TPT1: variants seen among roughly 807,000 people sequenced by gnomAD.
The protein encoded by TPT1 is translationally-controlled tumor protein.
In TPT1, 5 loss-of-function variants were observed where a neutral mutation model predicts 22.8. The observed-to-expected ratio is 0.22, with a 90% CI of 0.11 to 0.46. The LOEUF (loss-of-function observed/expected upper bound fraction) is 0.46. TPT1 is among the 20% of genes least tolerant of loss of function. The pLI, the probability that TPT1 is intolerant of heterozygous loss-of-function variation, is 0.99. For missense variants in TPT1, 130 were observed against 218.7 expected (o/e 0.59, Z 2.56); for synonymous variants, 89 against 73.6 (o/e 1.21, Z -1.07).
chr13:45,341,020 G>C, intron 1 of TPT1, 22 bp downstream of exon 1: 2 of 1,610,838 alleles, frequency 1.2e-6, no homozygotes, highest in African/African-American at 1.3e-5. Flanking sequence ...GCGGCAGTAA[G>C]GATAGTGCAG....
In TPT1 at chr13:45,341,115, C is replaced by A. The variant is rs1249571473; in HGVS notation, c.-46G>T. The A allele has an allele frequency of 1.2e-6, 2 of 1,609,184 alleles. No homozygotes were observed. The highest frequency in any genetic ancestry group is 3.4e-5 in the Admixed American group (2 of 59,518). On this transcript the variant is annotated 5_prime_UTR_variant, in exon 1 of 6. Transcript: ENST00000530705. ...GACGACGGCGCTAGCTTAGCACGAG[C>A]CTGAAACTCGGAGCGAGCGCGGTGC...
intron 4 of TPT1, 54 bp downstream of exon 4, chr13:45,339,443 G>T: frequency 6.7e-7 from 1 of 1,482,264 alleles, no homozygotes. Context: ...CTTAATTTTT[G>T]CTCTTGCAGT....
chr13:45,338,520 T>G (rs553770899), intron 5 of TPT1, 140 bp downstream of exon 5: 1 of 1,434,384 alleles, frequency 7.0e-7, no homozygotes, highest in African/African-American at 1.5e-5. Context: ...GAAACACAAT[T>G]CTCTTGATCC....
intron 4 of TPT1, 92 bp downstream of exon 4, chr13:45,339,405 T>C (rs377491124): frequency 5.4e-5 from 59 of 1,099,640 alleles, no homozygotes; most frequent in Non-Finnish European, 6.8e-5. Flanking sequence ...ACACCTGGAA[T>C]ACTAGTATAG....
chr13:45,337,597 T>TC, intron 5 of TPT1: 2 of 1,595,292 alleles, frequency 1.3e-6, no homozygotes. Context: ...TCAAGGTCTA[T>TC]CAGTGGATGC....
intron 4 of TPT1, 138 bp downstream of exon 4, chr13:45,339,359 T>C: frequency 3.2e-6 from 2 of 624,310 alleles, no homozygotes; most frequent in Non-Finnish European, 5.1e-6. Flanking sequence ...GAAGACAAGA[T>C]TTGGAAACAC....
chr13:45,339,996 T>C lies in TPT1; in HGVS notation c.291A>G (p.Lys97=), dbSNP rs760987683. Residue 97 remains lysine (K), a splice_region_variant and synonymous_variant, in exon 3 of 6, where the codon AAA becomes AAG. Coordinates refer to ENST00000530705, the MANE Select transcript of TPT1 (RefSeq NM_003295.4). The part of the protein sequence containing the change: ...AYKKYIKDYM[K]SIKGKLEEQR... ...TAGGTACTGCCAGTATCACTTACGATTTCATGTAATCTTTGATGTACTTCT... is the reference window on the plus strand; with the variant it reads ...TAGGTACTGCCAGTATCACTTACGACTTCATGTAATCTTTGATGTACTTCT... 6.8e-6 allele frequency: 11 copies of C among 1,614,040 alleles called. No homozygotes were observed. Among genetic ancestry groups the C allele is most frequent in the Non-Finnish European group, 9.3e-6 (11 of 1,179,940 alleles).
chr13:45,340,834 T>A, intron 1 of TPT1, 49 bp from the exon 2 acceptor site: 1 of 1,486,702 alleles, frequency 6.7e-7, no homozygotes, highest in Non-Finnish European at 8.9e-7. Context: ...GCGCCGCCAT[T>A]TCCCGCATTT....
rs1416808241 is a variant in TPT1 at position 45,335,122 on chromosome 13, G to A, written c.*2264C>T. Reference sequence around the variant, plus strand: ...AACAAAATGTTATGAGCTTTCTGATGTTCACATCCTTATTCTTGCCCAAAA... The same window carrying A: ...AACAAAATGTTATGAGCTTTCTGATATTCACATCCTTATTCTTGCCCAAAA... On this transcript the variant is annotated 3_prime_UTR_variant, in exon 6 of 6. Transcript: ENST00000530705. 6.6e-6 allele frequency: 1 copy of A among 152,130 alleles called. No homozygotes were observed. The highest frequency in any genetic ancestry group is 1.5e-5 in the Non-Finnish European group (1 of 68,048). 9.4% of individuals were successfully genotyped at this position (152,130 alleles called of 1,614,324 possible).
In TPT1 at chr13:45,337,323, T is replaced by C; in HGVS notation, c.*63A>G. ...ATTTGTCTTAAGTCCTGGTGTTGTG[T>C]GGATGACAAGCAGAAGCCAGTTATG... On this transcript the variant is annotated 3_prime_UTR_variant, in exon 6 of 6. Coordinates refer to ENST00000530705, the MANE Select transcript of TPT1 (RefSeq NM_003295.4). 1 of 1,514,852 alleles carries C rather than the reference T, an allele frequency of 6.6e-7. No individual in the cohort carries two copies. Among genetic ancestry groups the C allele is most frequent in the Non-Finnish European group, 9.2e-7 (1 of 1,090,644 alleles). 93.8% of individuals were successfully genotyped at this position (1,514,852 alleles called of 1,614,324 possible).
rs1436694794 is a variant in TPT1, at chr13:45,337,255, T to C, written c.*131A>G. 2 of 899,438 alleles carry C rather than the reference T, an allele frequency of 2.2e-6. No homozygotes were observed. The highest frequency in any genetic ancestry group is 5.1e-5 in the East Asian group (2 of 39,112). 55.7% of individuals were successfully genotyped at this position (899,438 alleles called of 1,614,324 possible). A position where few individuals can be genotyped will look rare whatever the true frequency, so the allele number is the denominator to read the frequency against. On this transcript the variant is annotated 3_prime_UTR_variant, in exon 6 of 6. Transcript: ENST00000530705. ...AAACAATGCCTCCACTCCAAATAAA[T>C]CACAGTCAAAATAAATGAAGAGCTC...
intron 5 of TPT1, 189 bp downstream of exon 5, chr13:45,338,471 A>T (rs907444190): frequency 8.4e-7 from 1 of 1,193,608 alleles, no homozygotes; most frequent in Non-Finnish European, 1.1e-6. Context: ...CACAAATAAG[A>T]TTCTAAGCCT....
chr13:45,340,041 A>C lies in TPT1; in HGVS notation c.246T>G (p.Ser82Arg). 3 of 1,614,072 alleles carry C rather than the reference A, an allele frequency of 1.9e-6. No individual in the cohort carries two copies. The highest frequency in any genetic ancestry group is 2.5e-6 in the Non-Finnish European group (3 of 1,180,004). Residue 82 changes from serine to arginine, a missense_variant, in exon 3 of 6, where the codon AGT becomes AGG. Ser to Arg is a moderately radical substitution (Grantham distance 110). Transcript: ENST00000530705. ...ACTTCTTGTAGGCTTCTTTTGTGAAACTTGTTTCCTGCAGGTGATGGTTCA... is the reference window on the plus strand; with the variant it reads ...ACTTCTTGTAGGCTTCTTTTGTGAACCTTGTTTCCTGCAGGTGATGGTTCA... Reference protein sequence around the residue: ...IVMNHHLQETSFTKEAYKKYI... With the variant: ...IVMNHHLQETRFTKEAYKKYI...
At chr13:45,338,926 T>TC (rs1878895577) in intron 4 of TPT1, 150 bp from the exon 5 acceptor site, 6 of 609,080 alleles carry the variant, frequency 9.9e-6, no homozygotes, top group Non-Finnish European at 1.7e-5. Context: ...ATCATAGACA[T>TC]CTGTTCACTG....
chr13:45,338,318 C>T, intron 5 of TPT1: 1 of 296,070 alleles, frequency 3.4e-6, no homozygotes, highest in Non-Finnish European at 6.2e-6. Flanking sequence ...TAGGGTTTCG[C>T]CATGTTGGCC....
Position 45,338,766 on chromosome 13 carries a change from C to A in TPT1, c.410G>T (p.Gly137Val). 6.3e-7 allele frequency: 1 copy of A among 1,585,570 alleles called. No individual in the cohort carries two copies. Among genetic ancestry groups the A allele is most frequent in the Non-Finnish European group, 8.5e-7 (1 of 1,171,960 alleles). The change falls in exon 5 of 6, where the codon GGT becomes GTT. Residue 137 changes from glycine to valine, a missense_variant. By Grantham distance (109) the Gly-to-Val change is moderately radical. Coordinates refer to ENST00000530705, the MANE Select transcript of TPT1 (RefSeq NM_003295.4). Reference sequence around the variant, plus strand: ...CATGCCATCTGGATTCATGTTTTCACCAATAAAGAACTTGGGAAGCAAACA... The same window carrying A: ...CATGCCATCTGGATTCATGTTTTCAACAATAAAGAACTTGGGAAGCAAACA... ...ANFKNYQFFI[G>V]ENMNPDGMVA...
In TPT1 at chr13:45,339,919, G is replaced by A. The variant is rs2234221; in HGVS notation, c.293+75C>T. On this transcript the variant is annotated intron_variant, in intron 3 of 5. Transcript: ENST00000530705. ...TCACAAAAGTATACCCACTGCGAAA[G>A]AACCTCAAAAGTTAGCCAATCTTTA... is the stretch of plus-strand genomic sequence containing the variant. 100 of 1,526,246 alleles carry A rather than the reference G, an allele frequency of 6.6e-5. No homozygotes were observed. In the East Asian group the frequency reaches 2.2e-3, roughly 33 times the overall value. 94.5% of individuals were successfully genotyped at this position (1,526,246 alleles called of 1,614,324 possible).
At chr13:45,339,284 GGT>G in intron 4 of TPT1, 1 of 452,314 alleles carries the variant, frequency 2.2e-6, no homozygotes, top group Non-Finnish European at 3.9e-6. Flanking sequence ...AGAACACTTA[GGT>G]GGTTAAGCAA....
In TPT1 at chr13:45,341,167, G is replaced by GGGAGCGGGC. The variant is rs1185784865; in HGVS notation, c.-107_-99dup. ...GCCGGAGCGGCGCTCGGGGGGAGGG[G>GGGAGCGGGC]GGAGCGGGCGGAAAAGGCCGACTCA... On this transcript the variant is annotated 5_prime_UTR_variant, in exon 1 of 6. Transcript: ENST00000530705. 85 of 1,539,144 alleles carry GGGAGCGGGC rather than the reference G, an allele frequency of 5.5e-5. No individual in the cohort carries two copies. Among genetic ancestry groups the GGGAGCGGGC allele is most frequent in the Non-Finnish European group, 7.1e-5 (80 of 1,131,738 alleles).
Sources: gnomAD v4.1 joint callset for allele counts on GRCh38, gnomAD v4.1.1 for gene constraint, MANE v1.5 for transcripts, NCBI Gene and HGNC (gene_info 2026-07-23, HGNC 2026-07-21) for gene names.